SPATA13: variants seen among roughly 807,000 people sequenced by gnomAD.
SPATA13 encodes the protein spermatogenesis-associated protein 13.
A neutral mutation model predicts 104.0 loss-of-function variants in SPATA13; 50 were observed. The observed-to-expected ratio is 0.48, with a 90% CI of 0.38 to 0.61. The LOEUF is 0.61. Ranked by LOEUF, SPATA13 falls within the 20% of genes least tolerant of loss-of-function variation. The pLI is 0.00. For missense variants in SPATA13, 1,524 were observed against 1,690.6 expected, an observed-to-expected ratio of 0.90 and a Z score of 1.73; for synonymous variants, 606 against 667.5, an observed-to-expected ratio of 0.91 and a Z score of 1.42.
intron 3 of SPATA13, among the ~76,000 whole-genome samples, chr13:24,134,743 A>G (rs539914674): frequency 5.4e-4 from 82 of 152,326 alleles, no homozygotes; most frequent in Admixed American, 8.5e-4. Flanking sequence ...CCTAGAAAAC[A>G]TGAAGGCTTT....
intron 3 of SPATA13, among the ~76,000 whole-genome samples, chr13:24,092,625 A>G (rs945959244): frequency 2.0e-5 from 3 of 152,250 alleles, no homozygotes; most frequent in African/African-American, 7.2e-5. Flanking sequence ...TGGACTATGT[A>G]GAAACTCTAT....
At chr13:24,054,207 C>T (rs1878461347) in intron 3 of SPATA13, among the ~76,000 whole-genome samples, 1 of 152,196 alleles carries the variant, frequency 6.6e-6, no homozygotes, top group African/African-American at 2.4e-5. Flanking sequence ...TCCCATCACA[C>T]CCCACAGCAA....
At chr13:24,231,252 C>G (rs950253342) in intron 2 of SPATA13, among the ~76,000 whole-genome samples, 2 of 152,224 alleles carry the variant, frequency 1.3e-5, no homozygotes, top group Non-Finnish European at 2.9e-5. Context: ...AAGCCTCGCG[C>G]CATTTGCAGT....
Position 24,123,627 on chromosome 13 carries a change from G to A in SPATA13, c.-111-99192G>A. ...TGTAAACAAAAGTGTCTGGGCAGCA[G>A]TGGTAGGAGAAATGAAATCTTCAAA... is the stretch of plus-strand genomic sequence containing the variant. On this transcript the variant is annotated intron_variant, in intron 3 of 14. Transcript: ENST00000424834. 9 of 1,605,248 alleles carry A rather than the reference G, an allele frequency of 5.6e-6. No homozygotes were observed. In the South Asian group the frequency reaches 8.8e-5, roughly 16 times the overall value.
At chr13:24,026,541 G>A (rs9511001) in intron 3 of SPATA13, among the ~76,000 whole-genome samples, 138,307 of 152,292 alleles carry the variant, frequency 0.91, 62,973 homozygotes, top group East Asian at 1. Context: ...TTGTATGTAG[G>A]AATTGGATAC....
At chr13:23,987,904 A>G (rs1344506680) in intron 2 of SPATA13, among the ~76,000 whole-genome samples, 2 of 151,536 alleles carry the variant, frequency 1.3e-5, no homozygotes, top group Non-Finnish European at 2.9e-5. Flanking sequence ...CAACGTTCTT[A>G]AGGCCCAGGT....
At position 24,212,443 on chromosome 13, in the gene SPATA13, G is replaced by A. The variant is rs1871079921; in HGVS notation, c.-111-10376G>A. On this transcript the variant is annotated intron_variant, in intron 1 of 12. Coordinates refer to ENST00000382108, the MANE Select transcript of SPATA13 (RefSeq NM_001166271.3). The stretch of plus-strand genomic sequence containing the variant: ...TGCGTTCCTTGCTTCATGTGGTCCT[G>A]AAGTGCTTATGTAACCACCCCAGGG... 2.0e-5 allele frequency among the ~76,000 whole-genome samples: 3 copies of A among 152,304 alleles called. No homozygotes were observed. The South Asian group carries it at 6.2e-4, about 32-fold the overall frequency.
intron 3 of SPATA13, among the ~76,000 whole-genome samples, chr13:24,077,147 G>C (rs544170046): frequency 1.3e-5 from 2 of 150,524 alleles, no homozygotes; most frequent in Non-Finnish European, 2.9e-5. Flanking sequence ...GCAAATAGCT[G>C]TTTCTACCAT....
intron 4 of SPATA13, among the ~76,000 whole-genome samples, chr13:24,282,220 C>T (rs975256303): frequency 6.6e-5 from 10 of 152,052 alleles, no homozygotes; most frequent in African/African-American, 2.2e-4. Context: ...GGCACATGGC[C>T]AGTGCAGGTA....
At chr13:24,256,253 G>A (rs1873784770) in intron 4 of SPATA13, among the ~76,000 whole-genome samples, 2 of 152,124 alleles carry the variant, frequency 1.3e-5, no homozygotes, top group African/African-American at 4.8e-5. Context: ...TAAAAATAGA[G>A]CTAGACAGGA....
Position 24,037,861 on chromosome 13 carries a change from T to C in SPATA13, c.-112+20160T>C, listed in dbSNP as rs145774764. Among the ~76,000 whole-genome samples, 11 of 152,252 alleles carry C rather than the reference T, an allele frequency of 7.2e-5. No homozygotes were observed. The East Asian group carries it at 2.1e-3, about 29-fold the overall frequency. On this transcript the variant is annotated intron_variant, in intron 3 of 14. Coordinates refer to the SPATA13 transcript ENST00000424834. ...GGATGTCTGTGTATATATATCATTCTTCAGAAATTTTACTCCTCCTTTCCC... is the reference window on the plus strand; with the variant it reads ...GGATGTCTGTGTATATATATCATTCCTCAGAAATTTTACTCCTCCTTTCCC...
intron 3 of SPATA13, among the ~76,000 whole-genome samples, chr13:24,067,904 A>G (rs529305698): frequency 6.6e-6 from 1 of 152,262 alleles, no homozygotes; most frequent in Non-Finnish European, 1.5e-5. Context: ...GGGTTTCACC[A>G]TGTTGGCAAG....
At chr13:24,140,345 T>C (rs17080130) in intron 3 of SPATA13, among the ~76,000 whole-genome samples, 5,005 of 152,332 alleles carry the variant, frequency 0.033, 274 homozygotes, top group African/African-American at 0.11. Flanking sequence ...GTTCATAGTT[T>C]GTTGCCCCAG....
intron 3 of SPATA13, among the ~76,000 whole-genome samples, chr13:24,117,811 G>T (rs1880901448): frequency 6.6e-6 from 1 of 152,136 alleles, no homozygotes; most frequent in Non-Finnish European, 1.5e-5. Context: ...CCTAGAGCTG[G>T]AATGTCATTA....
At chr13:24,252,028 G>C (rs1358687495) in intron 4 of SPATA13, among the ~76,000 whole-genome samples, 166 bp downstream of exon 4, 2 of 152,216 alleles carry the variant, frequency 1.3e-5, no homozygotes, top group African/African-American at 4.8e-5. Flanking sequence ...ATCATTTGCT[G>C]TCTGGGGTAG....
chr13:24,100,475 CCT>C (rs1251996882), intron 3 of SPATA13, among the ~76,000 whole-genome samples: 1 of 152,168 alleles, frequency 6.6e-6, no homozygotes, highest in South Asian at 2.1e-4. Flanking sequence ...GCTCTCACTC[CCT>C]GTCTCCCTCT....
At chr13:23,990,125 T>C (rs1875342567) in intron 2 of SPATA13, among the ~76,000 whole-genome samples, 2 of 152,176 alleles carry the variant, frequency 1.3e-5, no homozygotes, top group Non-Finnish European at 2.9e-5. Context: ...CTGCACCTGG[T>C]CACCACCATC....
rs1422074921 is a variant in SPATA13 at position 24,187,027 on chromosome 13, T to G, written c.-112+26095T>G. ...ACAAAGAGACTTCTCTTAATCCTTT[T>G]CCTTGAGGAGGATGTTCCAGCAAAC... On this transcript the variant is annotated intron_variant, in intron 1 of 12. Transcript: ENST00000382108. 2.0e-5 allele frequency among the ~76,000 whole-genome samples: 3 copies of G among 152,182 alleles called. No homozygotes were observed. In the East Asian group the frequency reaches 5.8e-4, roughly 29 times the overall value.
chr13:24,068,224 A>T (rs1449700411), intron 3 of SPATA13, among the ~76,000 whole-genome samples: 1 of 152,056 alleles, frequency 6.6e-6, no homozygotes, highest in Non-Finnish European at 1.5e-5. Flanking sequence ...AGTTCTCCTG[A>T]TTTAGCTCCC....
Sources: allele counts gnomAD v4.1 joint callset (sites outside exome capture counted in the v4.1 genomes callset), GRCh38; gene constraint gnomAD v4.1.1; transcripts MANE v1.5; gene names NCBI Gene and HGNC (gene_info 2026-07-23, HGNC 2026-07-21).